Variants in MFGE8 observed in about 807,000 individuals in gnomAD.
The protein encoded by MFGE8 is lactadherin.
Under a neutral mutation model 42.6 loss-of-function variants are expected in MFGE8, and 34 were observed. The ratio of observed to expected loss-of-function variants is 0.80; its 90% CI spans 0.61 to 1.06. The LOEUF (loss-of-function observed/expected upper bound fraction) is 1.06, where lower values mean the gene tolerates loss of function less well. Ranked by LOEUF, MFGE8 falls within the 50% of genes least tolerant of loss-of-function variation. MFGE8 has a pLI of 0.00. For synonymous variants in MFGE8, 230 were observed against 214.8 expected (o/e 1.07, Z -0.62); for missense variants, 510 against 516.9 (o/e 0.99, Z 0.13).
rs202157001 is a variant in MFGE8 at position 88,901,581 on chromosome 15, C to A, written c.840G>T (p.Ala280=). The change falls in exon 6 of 8, where the codon GCG becomes GCT. Residue 280 remains alanine, a synonymous_variant. Transcript: ENST00000268150. The part of the protein sequence containing the change: ...DKQGNFNAWV[A]GSYGNDQWLQ... ...GCCACTGATCGTTACCGTAGCTCCCCGCAACCCAGGCGTTGAAGTTGCCCT... is the reference window on the plus strand; with the variant it reads ...GCCACTGATCGTTACCGTAGCTCCCAGCAACCCAGGCGTTGAAGTTGCCCT... 2 of 1,613,950 alleles carry A rather than the reference C, an allele frequency of 1.2e-6. No individual in the cohort carries two copies. Among genetic ancestry groups the A allele is most frequent in the South Asian group, 1.1e-5 (1 of 91,076 alleles).
In MFGE8 at chr15:88,899,923, G is replaced by T; in HGVS notation, c.871-112C>A. 1 of 1,288,610 alleles carries T rather than the reference G, an allele frequency of 7.8e-7. No individual in the cohort carries two copies. Among genetic ancestry groups the T allele is most frequent in the Non-Finnish European group, 1.1e-6 (1 of 906,286 alleles). 79.8% of individuals were successfully genotyped at this position (1,288,610 alleles called of 1,614,324 possible). On this transcript the variant is annotated intron_variant, in intron 6 of 7. Transcript: ENST00000268150. This position sits in a 1 kb window ranked among gnomAD's most constrained non-coding sequence, Gnocchi z 6.8. ...GTTTTGAAAAAAACTACTTGGGTGAGCCTCAGTTTCTTTGGCTATAAAATG... is the reference window on the plus strand; with the variant it reads ...GTTTTGAAAAAAACTACTTGGGTGATCCTCAGTTTCTTTGGCTATAAAATG...
Position 88,906,856 on chromosome 15 carries a change from C to G in MFGE8, c.388-78G>C. 4 of 1,568,012 alleles carry G rather than the reference C, an allele frequency of 2.6e-6. No individual in the cohort carries two copies. Among genetic ancestry groups the G allele is most frequent in the Non-Finnish European group, 3.5e-6 (4 of 1,142,270 alleles). On this transcript the variant is annotated intron_variant, in intron 3 of 7. Coordinates refer to ENST00000268150, the MANE Select transcript of MFGE8 (RefSeq NM_005928.4). This position sits in a 1 kb window ranked among gnomAD's most constrained non-coding sequence, Gnocchi z 4.2. ...CAAGATCCAAGCAGACCCATCCCTT[C>G]ACTCCCCCACTGGGTGGGGGAACAA...
chr15:88,899,410 C>T lies in MFGE8; in HGVS notation c.1149G>A (p.Glu383=), dbSNP rs753153248. ...CAGGTGGCCACTAACAGCCCAGCAG[C>T]TCCAGGCGCAGGGCGATGCGGTTGT... ...AWHNRIALRL[E]LLGC Residue 383 remains glutamate, a synonymous_variant, in exon 8 of 8, where the codon GAG becomes GAA. Coordinates refer to ENST00000268150, the MANE Select transcript of MFGE8 (RefSeq NM_005928.4). The surrounding 1 kb of genome is among the most constrained non-coding windows in gnomAD (Gnocchi z 6.8). 3.1e-6 allele frequency: 5 copies of T among 1,614,048 alleles called. No homozygotes were observed. The East Asian group carries it at 6.7e-5, about 22-fold the overall frequency.
In MFGE8 at chr15:88,912,232, T is replaced by C. The variant is rs200645769; in HGVS notation, c.73+1015A>G. 7.0e-6 allele frequency: 9 copies of C among 1,289,760 alleles called. No homozygotes were observed. In the East Asian group the frequency reaches 5.0e-4, roughly 72 times the overall value. 79.9% of individuals were successfully genotyped at this position (1,289,760 alleles called of 1,614,324 possible). ...TCCTGCTCTTTCGGGGACTTTCCAG[T>C]AACATTTGGCCAGAGTTCAGGTTGG... On this transcript the variant is annotated intron_variant, in intron 1 of 7. Transcript: ENST00000268150.
intron 1 of MFGE8, chr15:88,912,572 G>A (rs2141730984): frequency 1.0e-6 from 1 of 985,388 alleles, no homozygotes; most frequent in East Asian, 1.1e-4. Context: ...CTGGCCTCCG[G>A]AGGCCTCCTG....
Position 88,899,316 on chromosome 15 carries a change from T to G in MFGE8, c.*79A>C. The G allele has an allele frequency of 4.4e-6, 7 of 1,581,978 alleles. No individual in the cohort carries two copies. Among genetic ancestry groups the G allele is most frequent in the Non-Finnish European group, 5.2e-6 (6 of 1,160,000 alleles). On this transcript the variant is annotated 3_prime_UTR_variant, in exon 8 of 8. Transcript: ENST00000268150. The surrounding 1 kb of genome is among the most constrained non-coding windows in gnomAD (Gnocchi z 6.8). Reference sequence around the variant, plus strand: ...TCCCCTTCCCCAGTCCCCAGCCCTATGGTGATTTAAAGGGGCTGAGAAGCC... The same window carrying G: ...TCCCCTTCCCCAGTCCCCAGCCCTAGGGTGATTTAAAGGGGCTGAGAAGCC...
chr15:88,911,979 C>T (rs1319748169), intron 1 of MFGE8: 7 of 519,984 alleles, frequency 1.3e-5, no homozygotes, highest in African/African-American at 9.9e-5. Context: ...CAGGCGGGGG[C>T]GAGCATTGAC....
chr15:88,899,277 G>A lies in MFGE8; in HGVS notation c.*118C>T. 7.2e-7 allele frequency: 1 copy of A among 1,384,210 alleles called. No homozygotes were observed. Among genetic ancestry groups the A allele is most frequent in the South Asian group, 1.2e-5 (1 of 82,128 alleles). The allele number at this position is 1,384,210 out of a possible 1,614,324, so 85.7% of individuals were successfully genotyped here. ...GGAGGGGTGACTGTGTGGTGGTGCT[G>A]CCTCTGAACACCCTCCCCTTCCCCA... On this transcript the variant is annotated 3_prime_UTR_variant, in exon 8 of 8. Coordinates refer to ENST00000268150, the MANE Select transcript of MFGE8 (RefSeq NM_005928.4). This position sits in a 1 kb window ranked among gnomAD's most constrained non-coding sequence, Gnocchi z 6.8.
chr15:88,901,417 G>A (rs184608193), intron 6 of MFGE8, 134 bp downstream of exon 6: 24 of 850,486 alleles, frequency 2.8e-5, no homozygotes, highest in East Asian at 1.6e-4. Context: ...AAGAAAAGCC[G>A]AAGAAAAACA....
chr15:88,910,815 A>G (rs539818948), intron 1 of MFGE8: 1 of 152,436 alleles, frequency 6.6e-6, no homozygotes, highest in African/African-American at 2.4e-5. Flanking sequence ...GGATCTGAAG[A>G]ATGACAAGTT....
chr15:88,901,625 A>G lies in MFGE8; in HGVS notation c.796T>C (p.Tyr266His). ...TTGCCCTGCTTGTCCAGCCGTGCAT[A>G]GGAGGGGTTCCAGCTGAAGAGATGC... ...GLHLFSWNPSYARLDKQGNFN... is the reference protein window; with the variant it reads ...GLHLFSWNPSHARLDKQGNFN... Residue 266 changes from tyrosine (Y) to histidine (H), a missense_variant, in exon 6 of 8, where the codon TAT (tyrosine) becomes CAT (histidine). Tyr to His is a moderately conservative substitution (Grantham distance 83). Transcript: ENST00000268150. 2 of 1,613,762 alleles carry G rather than the reference A, an allele frequency of 1.2e-6. No individual in the cohort carries two copies. The highest frequency in any genetic ancestry group is 1.7e-6 in the Non-Finnish European group (2 of 1,179,972).
chr15:88,905,839 C>A lies in MFGE8; in HGVS notation c.603G>T (p.Glu201Asp), dbSNP rs780277909. 6.2e-7 allele frequency: 1 copy of A among 1,614,240 alleles called. No individual in the cohort carries two copies. Among genetic ancestry groups the A allele is most frequent in the Non-Finnish European group, 8.5e-7 (1 of 1,180,048 alleles). The change falls in exon 5 of 8, where the codon GAG (glutamate) becomes GAT (aspartate). Residue 201 changes from glutamate (E) to aspartate (D), a missense_variant. Glu to Asp is a conservative substitution (Grantham distance 45). Transcript: ENST00000268150. This position sits in a 1 kb window ranked among gnomAD's most constrained non-coding sequence, Gnocchi z 6.6. The stretch of plus-strand genomic sequence containing the variant: ...TGGGGTACAATCTCACGTACTGAGC[C>A]TCCACAGGGGTCTCAAACAGGTTGA... ...VHVNLFETPV[E>D]AQYVRLYPTS...
rs1262624512 is a variant in MFGE8 at position 88,909,879 on chromosome 15, C to T, written c.118G>A (p.Glu40Lys). 9 of 1,614,074 alleles carry T rather than the reference C, an allele frequency of 5.6e-6. No individual in the cohort carries two copies. The highest frequency in any genetic ancestry group is 7.6e-6 in the Non-Finnish European group (9 of 1,180,034). Residue 40 changes from glutamate to lysine, a missense_variant, in exon 2 of 8, where the codon GAG (glutamate) becomes AAG (lysine). Glu to Lys is a moderately conservative substitution (Grantham distance 56). Transcript: ENST00000268150. Reference sequence around the variant, plus strand: ...TCTCCTCGCACTTCTTGGGAAATCTCCTCGCATAAACCACCGTTGTGGCAG... The same window carrying T: ...TCTCCTCGCACTTCTTGGGAAATCTTCTCGCATAAACCACCGTTGTGGCAG... ...NPCHNGGLCE[E>K]ISQEVRGDVF... is the part of the protein sequence containing the mutation.
In MFGE8 at chr15:88,905,103, G is replaced by A. The variant is rs575752996; in HGVS notation, c.685+654C>T. 6.6e-6 allele frequency among the ~76,000 whole-genome samples: 1 copy of A among 152,292 alleles called. No homozygotes were observed. The highest frequency in any genetic ancestry group is 2.1e-4 in the South Asian group (1 of 4,820). Reference sequence around the variant, plus strand: ...TTATGGTCTCCCCAGCTCTTCATCTGGGAATCTCTTTGGAAAAGGCAGCAG... The same window carrying A: ...TTATGGTCTCCCCAGCTCTTCATCTAGGAATCTCTTTGGAAAAGGCAGCAG... On this transcript the variant is annotated intron_variant, in intron 5 of 7. Coordinates refer to ENST00000268150, the MANE Select transcript of MFGE8 (RefSeq NM_005928.4). This position sits in a 1 kb window ranked among gnomAD's most constrained non-coding sequence, Gnocchi z 6.6.
Position 88,903,555 on chromosome 15 carries a change from C to G in MFGE8, c.686-1820G>C, listed in dbSNP as rs10852114. On this transcript the variant is annotated intron_variant, in intron 5 of 7. Coordinates refer to ENST00000268150, the MANE Select transcript of MFGE8 (RefSeq NM_005928.4). The surrounding 1 kb of genome is among the most constrained non-coding windows in gnomAD (Gnocchi z 4.9). ...CTGGAGTGCAGTGGCATGATCTCGG[C>G]TCACTGCAACCTCCACCTTCTGACC... The G allele has an allele frequency of 0.23, 35,036 of 152,074 alleles. 4,343 individuals carry two copies. The highest frequency in any genetic ancestry group is 0.28 in the Non-Finnish European group (18,797 of 67,980). The allele number at this position is 152,074 out of a possible 1,614,324, so 9.4% of individuals were successfully genotyped here.
Position 88,905,080 on chromosome 15 carries a change from A to G in MFGE8, c.685+677T>C, listed in dbSNP as rs779144550. ...TGGCTCTGCAGAAATCTGTCCCTTTATGGTCTCCCCAGCTCTTCATCTGGG... is the reference window on the plus strand; with the variant it reads ...TGGCTCTGCAGAAATCTGTCCCTTTGTGGTCTCCCCAGCTCTTCATCTGGG... On this transcript the variant is annotated intron_variant, in intron 5 of 7. Transcript: ENST00000268150. The surrounding 1 kb of genome is among the most constrained non-coding windows in gnomAD (Gnocchi z 6.6). Among the ~76,000 whole-genome samples, 47 of 152,120 alleles carry G rather than the reference A, an allele frequency of 3.1e-4. No individual in the cohort carries two copies. Among genetic ancestry groups the G allele is most frequent in the South Asian group, 1.0e-3 (5 of 4,828 alleles).
intron 1 of MFGE8, chr15:88,912,783 G>C (rs1332938587): frequency 1.0e-6 from 1 of 985,296 alleles, no homozygotes; most frequent in African/African-American, 1.7e-5. Flanking sequence ...GGACAATTGG[G>C]AGCGCAAAAA....
At position 88,903,983 on chromosome 15, in the gene MFGE8, T is replaced by C. The variant is rs1486048329; in HGVS notation, c.685+1774A>G. 2 of 152,298 alleles carry C rather than the reference T, an allele frequency of 1.3e-5. No individual in the cohort carries two copies. The highest frequency in any genetic ancestry group is 2.9e-5 in the Non-Finnish European group (2 of 68,114). 9.4% of individuals were successfully genotyped at this position (152,298 alleles called of 1,614,324 possible). A position where few individuals can be genotyped will look rare whatever the true frequency, so the allele number is the denominator to read the frequency against. ...CTTTTTGCAGTGCTGTTTTTAAGTT[T>C]TTCATGTGGCTGGCTCTCCATCATT... is the stretch of plus-strand genomic sequence containing the variant. On this transcript the variant is annotated intron_variant, in intron 5 of 7. Transcript: ENST00000268150. This position sits in a 1 kb window ranked among gnomAD's most constrained non-coding sequence, Gnocchi z 4.9.
In MFGE8 at chr15:88,899,387, G is replaced by A; in HGVS notation, c.*8C>T. 2 of 1,613,998 alleles carry A rather than the reference G, an allele frequency of 1.2e-6. No homozygotes were observed. The highest frequency in any genetic ancestry group is 1.7e-6 in the Non-Finnish European group (2 of 1,179,960). On this transcript the variant is annotated 3_prime_UTR_variant, in exon 8 of 8. Coordinates refer to ENST00000268150, the MANE Select transcript of MFGE8 (RefSeq NM_005928.4). The surrounding 1 kb of genome is among the most constrained non-coding windows in gnomAD (Gnocchi z 6.8). ...AAAGCAGGAAGACCTGGGGGTGGCA[G>A]GTGGCCACTAACAGCCCAGCAGCTC...
Sources: gnomAD v4.1 joint callset for allele counts (sites outside exome capture counted in the v4.1 genomes callset) on GRCh38, gnomAD v4.1.1 for gene constraint, Gnocchi (gnomAD v3.1) non-coding constraint, MANE v1.5 for transcripts, NCBI Gene and HGNC (gene_info 2026-07-23, HGNC 2026-07-21) for gene names.